Variants in CEP72 observed in about 807,000 individuals in gnomAD.
CEP72 encodes the protein centrosomal protein 72, also known as centrosomal protein of 72 kDa.
CEP72 carries 78 observed loss-of-function variants against 65.7 expected under a neutral mutation model. That is an observed-to-expected ratio of 1.19 (90% CI 0.99 to 1.43). The LOEUF is 1.43. Among genes scored for constraint, CEP72 ranks in the 40% most tolerant of loss-of-function variants. The pLI is 0.00. For synonymous variants in CEP72, 358 were observed against 351.7 expected, an observed-to-expected ratio of 1.02 and a Z score of -0.20; for missense variants, 914 against 832.9, an observed-to-expected ratio of 1.10 and a Z score of -1.20.
At chr5:643,404 C>T (rs1317890769) in intron 9 of CEP72, 2 of 985,298 alleles carry the variant, frequency 2.0e-6, no homozygotes, top group Non-Finnish European at 2.4e-6. Flanking sequence ...GAAGAACGGG[C>T]CAAGATAAGC....
Position 623,449 on chromosome 5 carries a change from G to C in CEP72, c.404-1022G>C, listed in dbSNP as rs1473519395. On this transcript the variant is annotated intron_variant, in intron 3 of 11. Coordinates refer to ENST00000264935, the MANE Select transcript of CEP72 (RefSeq NM_018140.4). The surrounding 1 kb of genome is among the most constrained non-coding windows in gnomAD (Gnocchi z 5.3). ...GTGGGATGGAGGCGGCGTCTGGAGA[G>C]ACCTTGCCAGCAGGAGAGGGTGGGC... 6.6e-6 allele frequency among the ~76,000 whole-genome samples: 1 copy of C among 152,246 alleles called. No individual in the cohort carries two copies. The highest frequency in any genetic ancestry group is 2.4e-5 in the African/African-American group (1 of 41,468).
In CEP72 at chr5:645,217, A is replaced by G. The variant is rs1164298088; in HGVS notation, c.1666+792A>G. Among the ~76,000 whole-genome samples the G allele has an allele frequency of 1.3e-5, 2 of 152,126 alleles. No homozygotes were observed. Among genetic ancestry groups the G allele is most frequent in the Non-Finnish European group, 2.9e-5 (2 of 68,012 alleles). Reference sequence around the variant, plus strand: ...CCCAACCAGCGGTGGCCTTTGCGGCAGGGAGGCAGCTGTGGATGAGGCCTG... The same window carrying G: ...CCCAACCAGCGGTGGCCTTTGCGGCGGGGAGGCAGCTGTGGATGAGGCCTG... On this transcript the variant is annotated intron_variant, in intron 10 of 11. Coordinates refer to ENST00000264935, the MANE Select transcript of CEP72 (RefSeq NM_018140.4). The surrounding 1 kb of genome is among the most constrained non-coding windows in gnomAD (Gnocchi z 4.0).
chr5:635,239 T>C, intron 5 of CEP72, 133 bp from the exon 6 acceptor site: 1 of 668,526 alleles, frequency 1.5e-6, no homozygotes, highest in East Asian at 2.8e-5. Context: ...TTCATTTCAG[T>C]GTCACCCAGC....
downstream of CEP72, chr5:660,198 A>G (rs1429102647): frequency 1.6e-5 from 2 of 128,430 alleles, no homozygotes; most frequent in African/African-American, 3.3e-5. Context: ...GTAAAAATAT[A>G]TTGCACATAT....
At chr5:644,130 G>A (rs531953406) in intron 9 of CEP72, 169 bp from the exon 10 acceptor site, 27 of 700,286 alleles carry the variant, frequency 3.9e-5, no homozygotes, top group African/African-American at 3.2e-4. Flanking sequence ...TGGGCAGGGC[G>A]GGCTGGGAGC....
At position 628,997 on chromosome 5, in the gene CEP72, TGCA is replaced by T. The variant is rs771692940; in HGVS notation, c.512+4421_512+4423del. 1.2e-3 allele frequency among the ~76,000 whole-genome samples: 177 copies of T among 150,624 alleles called. 3 individuals are homozygous for T. The highest frequency in any genetic ancestry group is 1.8e-3 in the Non-Finnish European group (120 of 67,658). ...TCCCAGGACCCAGCCCCCTTCTTTG[TGCA>T]GCGTTCTGGAGAACTCAGATCGCAG... On this transcript the variant is annotated intron_variant, in intron 4 of 11. Transcript: ENST00000264935.
intron 9 of CEP72, chr5:643,130 A>G (rs1738169401): frequency 1.0e-6 from 1 of 972,556 alleles, no homozygotes; most frequent in African/African-American, 1.8e-5. Flanking sequence ...CAGGAGGCTC[A>G]GGAGTTGGGG....
chr5:651,283 T>TGTGACTGTGAGGCGTGGACTGTGAGGG, intron 11 of CEP72, among the ~76,000 whole-genome samples: 1 of 90,986 alleles, frequency 1.1e-5, no homozygotes, highest in Non-Finnish European at 2.2e-5. Context: ...GACTGTGAGG[T>TGTGACTGTGAGGCGTGGACTGTGAGGG]GTGACTGTGA....
chr5:647,524 G>A (rs545695037), intron 10 of CEP72, among the ~76,000 whole-genome samples: 11 of 152,310 alleles, frequency 7.2e-5, no homozygotes, highest in South Asian at 2.1e-4. Context: ...AGCCAGTGCC[G>A]CCTCTCCCTG....
intron 1 of CEP72, among the ~76,000 whole-genome samples, chr5:613,532 ATTTTTTATATTTTTAGTAGAGACGGGG>A (rs1735811142): frequency 6.6e-6 from 1 of 152,156 alleles, no homozygotes; most frequent in Admixed American, 6.5e-5. Flanking sequence ...TGCCCGGCTA[ATTTTTTATATTTTTAGTAGAGACGGGG>A]TTTCACCATG....
At position 612,667 on chromosome 5, in the gene CEP72, C is replaced by T. The variant is rs550401767; in HGVS notation, c.82+224C>T. 4 of 952,720 alleles carry T rather than the reference C, an allele frequency of 4.2e-6. No homozygotes were observed. In the African/African-American group the frequency reaches 5.8e-5, roughly 14 times the overall value. 59.0% of individuals were successfully genotyped at this position (952,720 alleles called of 1,614,324 possible). On this transcript the variant is annotated intron_variant, in intron 1 of 11. Transcript: ENST00000264935. ...CGCGTTCGGGTCCCGGCGTCCCGGC[C>T]CCTGCCTGTCTATCGGGTCACTGGT...
In CEP72 at chr5:629,196, C is replaced by G. The variant is rs77471615; in HGVS notation, c.513-4573C>G. Among the ~76,000 whole-genome samples the G allele has an allele frequency of 2.2e-4, 33 of 152,368 alleles. No homozygotes were observed. The East Asian group carries it at 6.4e-3, about 29-fold the overall frequency. On this transcript the variant is annotated intron_variant, in intron 4 of 11. Coordinates refer to ENST00000264935, the MANE Select transcript of CEP72 (RefSeq NM_018140.4). ...GCACATTCTTCTCTGTATAGAGGGTCACCATGCTAAGGTGGGTCATATTCT... is the reference window on the plus strand; with the variant it reads ...GCACATTCTTCTCTGTATAGAGGGTGACCATGCTAAGGTGGGTCATATTCT...
chr5:612,468 G>A (rs1297926824), intron 1 of CEP72, 25 bp downstream of exon 1: 2 of 1,151,516 alleles, frequency 1.7e-6, no homozygotes, highest in African/African-American at 3.2e-5. Flanking sequence ...GGGCGGGGGT[G>A]CAAGCGTGAG....
In CEP72 at chr5:635,592, C is replaced by T. The variant is rs199511829; in HGVS notation, c.904+8C>T. On this transcript the variant is annotated splice_region_variant and intron_variant, in intron 6 of 11. Transcript: ENST00000264935. ...ACTTCACCCCACACCCAGGTACTTA[C>T]GCGTGTCTTAGTCTGTTTTCTGTTG... 70 of 1,586,534 alleles carry T rather than the reference C, an allele frequency of 4.4e-5. No individual in the cohort carries two copies. The highest frequency in any genetic ancestry group is 5.2e-5 in the Non-Finnish European group (60 of 1,158,762).
At chr5:666,027 G>T (rs529736782) in exon 4 of CEP72, 3 of 1,601,042 alleles carry the variant, frequency 1.9e-6, no homozygotes, top group Non-Finnish European at 1.7e-6. Context: ...CCTCGCGAAC[G>T]GCCTCCTCGC....
intron 1 of CEP72, among the ~76,000 whole-genome samples, chr5:613,665 G>C (rs550276065): frequency 3.9e-5 from 6 of 152,330 alleles, no homozygotes; most frequent in Admixed American, 6.5e-5. Context: ...CCTACACCCA[G>C]CCTGAGCTGG....
downstream of CEP72, among the ~76,000 whole-genome samples, chr5:670,302 G>A (rs1483180498): frequency 6.6e-6 from 1 of 152,162 alleles, no homozygotes; most frequent in Non-Finnish European, 1.5e-5. Flanking sequence ...GGGCCGGCGG[G>A]CGAGGTGACA....
rs1739225038 is a variant in CEP72 at position 653,169 on chromosome 5, T to TG, written c.*19dup. ...GGCCTGCTGACTCCTGCCGAGAAGC[T>TG]GGGCCACCCCTTAAGCTTCCTGGTA... is the stretch of plus-strand genomic sequence containing the variant. On this transcript the variant is annotated 3_prime_UTR_variant, in exon 12 of 12. Coordinates refer to ENST00000264935, the MANE Select transcript of CEP72 (RefSeq NM_018140.4). 16 of 1,587,050 alleles carry TG rather than the reference T, an allele frequency of 1.0e-5. No individual in the cohort carries two copies. Among genetic ancestry groups the TG allele is most frequent in the Non-Finnish European group, 1.3e-5 (15 of 1,168,890 alleles).
chr5:671,044 C>T (rs1740202635), downstream of CEP72, among the ~76,000 whole-genome samples: 2 of 152,108 alleles, frequency 1.3e-5, no homozygotes, highest in South Asian at 2.1e-4. Context: ...ATTGCTGCAC[C>T]AGCTCTAACC....
Sources: gnomAD v4.1 joint callset for allele counts (sites outside exome capture counted in the v4.1 genomes callset) on GRCh38, gnomAD v4.1.1 for gene constraint, Gnocchi (gnomAD v3.1) non-coding constraint, MANE v1.5 for transcripts, NCBI Gene and HGNC (gene_info 2026-07-23, HGNC 2026-07-21) for gene names.